ARHGAP29: variants seen among roughly 807,000 people sequenced by gnomAD.
ARHGAP29 encodes the protein Rho GTPase activating protein 29.
A neutral mutation model predicts 122.6 loss-of-function variants in ARHGAP29; 43 were observed. That is an observed-to-expected ratio of 0.35 (90% CI 0.27 to 0.45). The LOEUF (loss-of-function observed/expected upper bound fraction) is 0.45, where lower values mean the gene tolerates loss of function less well. Ranked by LOEUF, ARHGAP29 falls within the 20% of genes least tolerant of loss-of-function variation. The pLI is 1.00. For synonymous variants in ARHGAP29, 506 were observed against 497.1 expected (o/e 1.02, Z -0.24); for missense variants, 1,303 against 1,477.2 (o/e 0.88, Z 1.93).
At chr1:94,257,838 T>C (rs955741130) in intron 1 of ARHGAP29, among the ~76,000 whole-genome samples, 2 of 152,194 alleles carry the variant, frequency 1.3e-5, no homozygotes, top group Admixed American at 6.5e-5. Context: ...GACAGAGTGT[T>C]GCCAACATTG....
intron 12 of ARHGAP29, among the ~76,000 whole-genome samples, chr1:94,196,250 G>GTTTTTCTT (rs1557852107): frequency 2.6e-4 from 10 of 39,082 alleles, no homozygotes; most frequent in African/African-American, 4.3e-4. Flanking sequence ...ATTTTTCCGT[G>GTTTTTCTT]TTTTTCTTTT....
chr1:94,253,761 T>C (rs1654216119), intron 1 of ARHGAP29, among the ~76,000 whole-genome samples: 1 of 152,226 alleles, frequency 6.6e-6, no homozygotes. Flanking sequence ...AATATTTCTT[T>C]ATCTACCCAC....
intron 1 of ARHGAP29, among the ~76,000 whole-genome samples, chr1:94,233,873 G>C (rs1653089222): frequency 6.6e-6 from 1 of 152,118 alleles, no homozygotes. Flanking sequence ...TCACCAACTT[G>C]GTTTCATACA....
At chr1:94,275,987 G>T (rs184531134), upstream of ARHGAP29, among the ~76,000 whole-genome samples, 567 of 152,218 alleles carry the variant, frequency 3.7e-3, no homozygotes, top group Non-Finnish European at 6.3e-3. Flanking sequence ...GCCGGGATTG[G>T]TGGCTCATGC....
chr1:94,300,355 T>C, the ARHGAP29 span, among the ~76,000 whole-genome samples: 1 of 152,202 alleles, frequency 6.6e-6, no homozygotes, highest in Admixed American at 6.5e-5. Context: ...AGCTCCACTT[T>C]AAAGAAACCA....
chr1:94,215,609 C>T (rs1193096554), intron 3 of ARHGAP29, among the ~76,000 whole-genome samples: 1 of 152,048 alleles, frequency 6.6e-6, no homozygotes, highest in Non-Finnish European at 1.5e-5. Context: ...CACTTAGATA[C>T]TTTACAATGT....
chr1:94,173,660 G>A lies in ARHGAP29; in HGVS notation c.*209C>T, dbSNP rs1648891837. 5.8e-6 allele frequency: 3 copies of A among 521,188 alleles called. No individual in the cohort carries two copies. The highest frequency in any genetic ancestry group is 6.5e-6 in the Non-Finnish European group (2 of 307,668). 32.3% of individuals were successfully genotyped at this position (521,188 alleles called of 1,614,324 possible). A position where few individuals can be genotyped will look rare whatever the true frequency, so the allele number is the denominator to read the frequency against. On this transcript the variant is annotated 3_prime_UTR_variant, in exon 23 of 23. Transcript: ENST00000260526. ...CAACTTTAAAAATACAGAATTTAAAGATAATTCCAGTGAGGCACAAATGTG... is the reference window on the plus strand; with the variant it reads ...CAACTTTAAAAATACAGAATTTAAAAATAATTCCAGTGAGGCACAAATGTG...
chr1:94,226,693 C>T (rs1044888868), intron 2 of ARHGAP29, among the ~76,000 whole-genome samples: 4 of 151,410 alleles, frequency 2.6e-5, no homozygotes, highest in Non-Finnish European at 5.9e-5. Flanking sequence ...TCTAATACAC[C>T]GAGAACTGGT....
the ARHGAP29 span, among the ~76,000 whole-genome samples, chr1:94,313,861 A>C: frequency 6.6e-6 from 1 of 152,162 alleles, no homozygotes. Flanking sequence ...CATTCTCAAC[A>C]AACTACCACA....
intron 11 of ARHGAP29, 131 bp downstream of exon 11, chr1:94,202,413 C>G: frequency 9.3e-7 from 1 of 1,080,618 alleles, no homozygotes; most frequent in Non-Finnish European, 1.3e-6. Flanking sequence ...ATGAGAAACT[C>G]TGGGGGATGG....
At chr1:94,284,179 C>T in the ARHGAP29 span, among the ~76,000 whole-genome samples, 1 of 151,436 alleles carries the variant, frequency 6.6e-6, no homozygotes, top group South Asian at 2.1e-4. Flanking sequence ...GAAGGGAGAA[C>T]TAATTTACTT....
chr1:94,303,058 T>C, the ARHGAP29 span: 1 of 160,900 alleles, frequency 6.2e-6, no homozygotes, highest in African/African-American at 2.4e-5. Flanking sequence ...AACAACAGCA[T>C]GAGAGGAAGA....
the ARHGAP29 span, among the ~76,000 whole-genome samples, chr1:94,307,470 G>A: frequency 6.6e-6 from 1 of 152,060 alleles, no homozygotes; most frequent in Non-Finnish European, 1.5e-5. Flanking sequence ...ACACTGTCCA[G>A]AAAAGTAAAT....
At chr1:94,288,315 G>A in the ARHGAP29 span, among the ~76,000 whole-genome samples, 5 of 152,002 alleles carry the variant, frequency 3.3e-5, no homozygotes, top group Admixed American at 6.6e-5. Flanking sequence ...GTGTCTGTTC[G>A]TATCCTTTGC....
At chr1:94,176,904 GCCCTCCTTTCCTTTT>G (rs1649129171) in intron 22 of ARHGAP29, 1 of 152,264 alleles carries the variant, frequency 6.6e-6, no homozygotes, top group Admixed American at 6.5e-5. Context: ...ACCATGCCCG[GCCCTCCTTTCCTTTT>G]TAGACCCTAT....
chr1:94,272,313 T>TA (rs1396924066), intron 1 of ARHGAP29, among the ~76,000 whole-genome samples: 23 of 152,330 alleles, frequency 1.5e-4, no homozygotes, highest in South Asian at 2.1e-4. Flanking sequence ...CTCCTTTTTC[T>TA]AAGATTCTCT....
chr1:94,254,451 A>C (rs1158266901), intron 1 of ARHGAP29, among the ~76,000 whole-genome samples: 1 of 152,228 alleles, frequency 6.6e-6, no homozygotes, highest in Admixed American at 6.5e-5. Flanking sequence ...GAAGACAGTA[A>C]GTTGCCTTGC....
At chr1:94,245,409 T>C (rs1653756327) in intron 1 of ARHGAP29, among the ~76,000 whole-genome samples, 1 of 152,088 alleles carries the variant, frequency 6.6e-6, no homozygotes. Flanking sequence ...ATCCATGACA[T>C]AGGAAAAAAT....
rs1648967714 is a variant in ARHGAP29, at chr1:94,174,579, G to A, written c.3076C>T (p.Leu1026Phe). The change falls in exon 23 of 23, where the codon CTT (leucine) becomes TTT (phenylalanine). Residue 1026 changes from leucine (L) to phenylalanine (F), a missense_variant. By Grantham distance (22) the Leu-to-Phe change is conservative. Around this residue, in one of 3 missense-constraint regions of ARHGAP29, gnomAD observed 620 missense variants for 651.2 expected, o/e 0.95. Transcript: ENST00000260526. Reference sequence around the variant, plus strand: ...CTCTCATTAGGAGGACTTGCAAGAAGTAGTCTATCTACAGGCAAACTTACA... The same window carrying A: ...CTCTCATTAGGAGGACTTGCAAGAAATAGTCTATCTACAGGCAAACTTACA... ...RPVSLPVDRLLLASPPNERNG... is the reference protein window; with the variant it reads ...RPVSLPVDRLFLASPPNERNG... 2 of 1,614,174 alleles carry A rather than the reference G, an allele frequency of 1.2e-6. No individual in the cohort carries two copies. Among genetic ancestry groups the A allele is most frequent in the African/African-American group, 1.3e-5 (1 of 75,046 alleles).
Sources: allele counts gnomAD v4.1 joint callset (sites outside exome capture counted in the v4.1 genomes callset), GRCh38; gene constraint gnomAD v4.1.1; regional missense constraint gnomAD v4.1.1; transcripts MANE v1.5; gene names NCBI Gene and HGNC (gene_info 2026-07-23, HGNC 2026-07-21).